Variants in CFDP1 observed in about 807,000 individuals in gnomAD.
CFDP1 encodes the protein heterochromatin-stabilizing protein CFDP1.
CFDP1 carries 31 observed loss-of-function variants against 40.1 expected under a neutral mutation model. The ratio of observed to expected loss-of-function variants is 0.77; its 90% CI spans 0.58 to 1.04. The LOEUF (loss-of-function observed/expected upper bound fraction) is 1.04, where lower values mean the gene tolerates loss of function less well. Among genes scored for constraint, CFDP1 ranks in the 50% least tolerant of loss-of-function variants. CFDP1 has a pLI of 0.00. For synonymous variants in CFDP1, 167 were observed against 120.0 expected (o/e 1.39, Z -2.56); for missense variants, 423 against 343.4 (o/e 1.23, Z -1.83).
intron 5 of CFDP1, among the ~76,000 whole-genome samples, chr16:75,369,609 T>G (rs1335019002): frequency 6.6e-6 from 1 of 152,128 alleles, no homozygotes; most frequent in African/African-American, 2.4e-5. Flanking sequence ...GGAAAAGCAA[T>G]TTGCAAATCT....
chr16:75,295,872 C>T (rs1204173139), intron 6 of CFDP1, among the ~76,000 whole-genome samples: 1 of 152,144 alleles, frequency 6.6e-6, no homozygotes, highest in Non-Finnish European at 1.5e-5. Flanking sequence ...AGACATCTAA[C>T]AACAAACTTA....
chr16:75,394,657 GCTTTTTTTTTTT>G (rs2078981311), intron 5 of CFDP1: 3 of 58,568 alleles, frequency 5.1e-5, no homozygotes, highest in African/African-American at 1.4e-4. Flanking sequence ...AATTTTCTTC[GCTTTTTTTTTTT>G]TTTTTTTTTT....
intron 4 of CFDP1, among the ~76,000 whole-genome samples, chr16:75,395,436 G>A (rs1333865570): frequency 2.0e-5 from 3 of 152,096 alleles, no homozygotes; most frequent in Non-Finnish European, 4.4e-5. Flanking sequence ...CGAGGCAGGC[G>A]GATCACAAGG....
At chr16:75,414,446 G>T in intron 2 of CFDP1, 132 bp downstream of exon 2, 1 of 652,452 alleles carries the variant, frequency 1.5e-6, no homozygotes, top group Non-Finnish European at 2.8e-6. Context: ...TAAAATAACA[G>T]CAAATGTTTC....
chr16:75,378,059 A>G (rs2078816951), intron 5 of CFDP1, among the ~76,000 whole-genome samples: 2 of 152,190 alleles, frequency 1.3e-5, no homozygotes, highest in South Asian at 4.1e-4. Flanking sequence ...AGCCAAAGTT[A>G]AGTGCAGGAA....
intron 5 of CFDP1, among the ~76,000 whole-genome samples, chr16:75,315,331 CAAAAAAAAA>C (rs758174791): frequency 0.023 from 1,084 of 47,784 alleles, 12 homozygotes; most frequent in Non-Finnish European, 0.03. Flanking sequence ...GACCCTATCT[CAAAAAAAAA>C]AAAAAAAAAA....
At chr16:75,350,833 C>T (rs1567653874) in intron 5 of CFDP1, among the ~76,000 whole-genome samples, 1 of 151,916 alleles carries the variant, frequency 6.6e-6, no homozygotes, top group African/African-American at 2.4e-5. Context: ...CCAAGATACG[C>T]AAGATAAATA....
intron 4 of CFDP1, among the ~76,000 whole-genome samples, chr16:75,411,458 A>C (rs2079161952): frequency 6.6e-6 from 1 of 152,196 alleles, no homozygotes; most frequent in Admixed American, 6.5e-5. Context: ...TTGTATTTTC[A>C]ATTATTATCT....
chr16:75,324,847 G>A (rs1448971080), intron 5 of CFDP1: 1 of 151,998 alleles, frequency 6.6e-6, no homozygotes. Context: ...TGGCAGCAAA[G>A]TGTATTTTAA....
At position 75,414,536 on chromosome 16, in the gene CFDP1, A is replaced by G. The variant is rs775620248; in HGVS notation, c.182+42T>C. 3.0e-5 allele frequency: 36 copies of G among 1,185,334 alleles called. No homozygotes were observed. The South Asian group carries it at 4.1e-4, about 14-fold the overall frequency. The allele number at this position is 1,185,334 out of a possible 1,614,324, so 73.4% of individuals were successfully genotyped here. On this transcript the variant is annotated intron_variant, in intron 2 of 6. Coordinates refer to ENST00000283882, the MANE Select transcript of CFDP1 (RefSeq NM_006324.3). ...AATCTTAGCAATCAGGATGGTTGTG[A>G]CAATAGCCCCTAACTTCTAAGGGCC... is the stretch of plus-strand genomic sequence containing the variant.
chr16:75,307,311 G>C (rs142464277), intron 5 of CFDP1, among the ~76,000 whole-genome samples: 3,291 of 152,198 alleles, frequency 0.022, 57 homozygotes, highest in South Asian at 0.048. Context: ...CGCCTCCCGG[G>C]TTCAAGCGAT....
intron 1 of CFDP1, among the ~76,000 whole-genome samples, chr16:75,418,283 G>A (rs900465741): frequency 2.5e-4 from 31 of 124,650 alleles, no homozygotes; most frequent in East Asian, 8.1e-4. Context: ...AAAGAATTAA[G>A]AATATCAATA....
intron 5 of CFDP1, among the ~76,000 whole-genome samples, chr16:75,392,050 G>A (rs1205865186): frequency 6.6e-6 from 1 of 152,142 alleles, no homozygotes; most frequent in East Asian, 1.9e-4. Context: ...TAAATGTAAA[G>A]CCAAAAACAT....
chr16:75,422,163 C>T (rs2079287721), intron 1 of CFDP1, among the ~76,000 whole-genome samples: 1 of 152,100 alleles, frequency 6.6e-6, no homozygotes, highest in African/African-American at 2.4e-5. Flanking sequence ...ATGGTGCGAT[C>T]TCGGCTCACC....
intron 5 of CFDP1, among the ~76,000 whole-genome samples, chr16:75,308,739 G>C (rs2078274523): frequency 6.6e-6 from 1 of 152,186 alleles, no homozygotes; most frequent in African/African-American, 2.4e-5. Flanking sequence ...AGCACCACAA[G>C]CTATGTACGC....
intron 4 of CFDP1, among the ~76,000 whole-genome samples, chr16:75,404,349 C>G (rs1451450682): frequency 6.7e-6 from 1 of 150,374 alleles, no homozygotes. Context: ...CATTGTCCTG[C>G]CTCAGCCTCC....
intron 5 of CFDP1, among the ~76,000 whole-genome samples, chr16:75,385,556 T>C (rs1468493136): frequency 1.3e-5 from 2 of 151,714 alleles, no homozygotes; most frequent in African/African-American, 2.4e-5. Context: ...AAAATTCTAA[T>C]AAAAGAAAAA....
intron 5 of CFDP1, among the ~76,000 whole-genome samples, chr16:75,351,640 T>C (rs1230777541): frequency 6.6e-6 from 1 of 152,192 alleles, no homozygotes; most frequent in Non-Finnish European, 1.5e-5. Context: ...AGGAGGTTAG[T>C]GTACCAATCA....
At chr16:75,296,858 T>C (rs1268071505) in intron 6 of CFDP1, among the ~76,000 whole-genome samples, 1 of 152,134 alleles carries the variant, frequency 6.6e-6, no homozygotes, top group East Asian at 1.9e-4. Context: ...ACGGCCTTGG[T>C]TTACTGCCAA....
Sources: allele counts gnomAD v4.1 joint callset (sites outside exome capture counted in the v4.1 genomes callset), GRCh38; gene constraint gnomAD v4.1.1; transcripts MANE v1.5; gene names NCBI Gene and HGNC (gene_info 2026-07-23, HGNC 2026-07-21).